Variants in TRIM24 observed in about 807,000 individuals in gnomAD.
The protein encoded by TRIM24 is tripartite motif containing 24, also known as transcription intermediary factor 1-alpha.
In TRIM24, 29 loss-of-function variants were observed where a neutral mutation model predicts 123.9. The observed-to-expected ratio is 0.23, with a 90% confidence interval of 0.17 to 0.32. The LOEUF (loss-of-function observed/expected upper bound fraction) is 0.32, where lower values mean the gene tolerates loss of function less well. TRIM24 is among the 10% of genes least tolerant of loss of function. The pLI, the probability that TRIM24 is intolerant of heterozygous loss-of-function variation, is 1.00. For synonymous variants in TRIM24, 456 were observed against 461.1 expected, an observed-to-expected ratio of 0.99 and a Z score of 0.14; for missense variants, 932 against 1,295.3, an observed-to-expected ratio of 0.72 and a Z score of 4.31.
chr7:138,567,795 C>G, intron 10 of TRIM24, 141 bp downstream of exon 10: 1 of 880,862 alleles, frequency 1.1e-6, no homozygotes, highest in Non-Finnish European at 1.6e-6. Context: ...ATGTGAATTG[C>G]AAAGTTTGAT....
chr7:138,574,516 A>T (rs1797718010), intron 12 of TRIM24, among the ~76,000 whole-genome samples: 1 of 152,236 alleles, frequency 6.6e-6, no homozygotes, highest in Non-Finnish European at 1.5e-5. Flanking sequence ...GGACATGATA[A>T]GTAGATAATT....
At chr7:138,476,728 A>G (rs1795410203) in intron 1 of TRIM24, among the ~76,000 whole-genome samples, 1 of 152,210 alleles carries the variant, frequency 6.6e-6, no homozygotes, top group South Asian at 2.1e-4. Context: ...TAAAACTGGA[A>G]GGGAATTTGG....
chr7:138,577,415 T>TA lies in TRIM24; in HGVS notation c.2088-4dup, dbSNP rs1423271916. ...ATTGCTTTTTCTTCTCTCTCATACT[T>TA]ACAGCTCTGGCTCTTCCAGCAAACC... On this transcript the variant is annotated splice_polypyrimidine_tract_variant and splice_region_variant and intron_variant, in intron 13 of 18. Transcript: ENST00000343526. 6 of 1,549,796 alleles carry TA rather than the reference T, an allele frequency of 3.9e-6. No individual in the cohort carries two copies. Among genetic ancestry groups the TA allele is most frequent in the Middle Eastern group, 3.4e-4 (2 of 5,822 alleles).
chr7:138,520,260 T>C (rs1223075958), intron 4 of TRIM24, among the ~76,000 whole-genome samples: 2 of 152,212 alleles, frequency 1.3e-5, no homozygotes, highest in African/African-American at 4.8e-5. Flanking sequence ...CCTGAAAGTC[T>C]GCACTATTAT....
chr7:138,578,436 G>A (rs6975799), intron 14 of TRIM24, among the ~76,000 whole-genome samples: 183 of 152,134 alleles, frequency 1.2e-3, no homozygotes, highest in Middle Eastern at 3.4e-3. Flanking sequence ...ATAGATACTG[G>A]CAATAAACAG....
At chr7:138,515,026 C>G (rs1584712317) in intron 2 of TRIM24, among the ~76,000 whole-genome samples, 186 bp from the exon 3 acceptor site, 1 of 152,204 alleles carries the variant, frequency 6.6e-6, no homozygotes, top group Admixed American at 6.5e-5. Context: ...ATATTCTTGT[C>G]TCTTCACAGT....
intron 12 of TRIM24, among the ~76,000 whole-genome samples, chr7:138,573,902 C>T (rs1032441988): frequency 1.3e-5 from 2 of 152,108 alleles, no homozygotes; most frequent in African/African-American, 2.4e-5. Flanking sequence ...TGAGCTCAAG[C>T]GATCTCCCAC....
intron 3 of TRIM24, 39 bp from the exon 4 acceptor site, chr7:138,519,150 T>C: frequency 6.2e-7 from 1 of 1,613,040 alleles, no homozygotes; most frequent in South Asian, 1.1e-5. Context: ...TATTCAATTA[T>C]GTTAATTTTC....
intron 4 of TRIM24, among the ~76,000 whole-genome samples, chr7:138,523,750 C>CAA (rs756103684): frequency 0.31 from 17,496 of 56,588 alleles, 2,321 homozygotes; most frequent in East Asian, 0.5. Context: ...GACTCCGTCT[C>CAA]AAAAAAAAAA....
At chr7:138,583,697 G>T (rs1400238431) in intron 17 of TRIM24, among the ~76,000 whole-genome samples, 153 bp from the exon 18 acceptor site, 1 of 152,188 alleles carries the variant, frequency 6.6e-6, no homozygotes, top group Non-Finnish European at 1.5e-5. Context: ...GTGGGCACTT[G>T]TAAACACTGT....
In TRIM24 at chr7:138,504,337, C is replaced by G. The variant is rs754301072; in HGVS notation, c.412C>G (p.His138Asp). 1 of 1,601,058 alleles carries G rather than the reference C, an allele frequency of 6.2e-7. No homozygotes were observed. The highest frequency in any genetic ancestry group is 8.5e-7 in the Non-Finnish European group (1 of 1,174,752). Residue 138 changes from histidine (H) to aspartate (D), a missense_variant, in exon 2 of 19, where the codon CAC (histidine) becomes GAC (aspartate). By Grantham distance (81) the His-to-Asp change is moderately conservative. Around this residue, in one of 7 missense-constraint regions of TRIM24, gnomAD observed 74 missense variants for 163.6 expected, o/e 0.45. Transcript: ENST00000343526. ...PVCSQECAER[H>D]IIDNFFVKDT... ...TTGCAGCCAAGAATGTGCAGAGAGA[C>G]ACATCATAGATAACTTTTTTGTGAA... is the stretch of plus-strand genomic sequence containing the variant.
intron 1 of TRIM24, chr7:138,461,152 C>T (rs1176796131): frequency 1.0e-5 from 7 of 701,234 alleles, no homozygotes; most frequent in Non-Finnish European, 1.8e-5. Flanking sequence ...GCCGCCGCCG[C>T]TGCTCCGCAT....
rs935025334 is a variant in TRIM24, at chr7:138,581,913, G to A, written c.2793+142G>A. 20 of 595,316 alleles carry A rather than the reference G, an allele frequency of 3.4e-5. No individual in the cohort carries two copies. In the African/African-American group the frequency reaches 3.5e-4, roughly 11 times the overall value. The allele number at this position is 595,316 out of a possible 1,614,324, so 36.9% of individuals were successfully genotyped here. On this transcript the variant is annotated intron_variant, in intron 17 of 18. Transcript: ENST00000343526. ...CTTAATAATACATACTGAATGCTTTGATCCTATGTAGGTACATTTTAGTAA... is the reference window on the plus strand; with the variant it reads ...CTTAATAATACATACTGAATGCTTTAATCCTATGTAGGTACATTTTAGTAA...
chr7:138,576,763 GAT>G (rs989790914), intron 13 of TRIM24, among the ~76,000 whole-genome samples: 28 of 152,172 alleles, frequency 1.8e-4, no homozygotes, highest in Admixed American at 6.5e-4. Context: ...TTAGAGAAAA[GAT>G]AAAATTTTAT....
At chr7:138,560,632 A>T (rs568148757) in intron 9 of TRIM24, among the ~76,000 whole-genome samples, 1 of 152,322 alleles carries the variant, frequency 6.6e-6, no homozygotes, top group Admixed American at 6.5e-5. Flanking sequence ...AATGGTGTCC[A>T]AGTAGTCTTT....
chr7:138,540,724 T>C (rs1201040050), intron 7 of TRIM24, among the ~76,000 whole-genome samples: 5 of 152,204 alleles, frequency 3.3e-5, no homozygotes, highest in African/African-American at 9.6e-5. Context: ...ATCACTAAGG[T>C]TCTTAATGGC....
At chr7:138,486,869 G>T (rs935261435) in intron 1 of TRIM24, among the ~76,000 whole-genome samples, 1 of 152,094 alleles carries the variant, frequency 6.6e-6, no homozygotes. Flanking sequence ...TTCCAGTTCT[G>T]TGAAGACAGT....
At chr7:138,518,174 T>C (rs777174348) in intron 3 of TRIM24, among the ~76,000 whole-genome samples, 1 of 152,184 alleles carries the variant, frequency 6.6e-6, no homozygotes, top group African/African-American at 2.4e-5. Context: ...AAGAATGAGA[T>C]GGATACATAT....
chr7:138,476,935 C>T (rs1490779432), intron 1 of TRIM24, among the ~76,000 whole-genome samples: 1 of 152,046 alleles, frequency 6.6e-6, no homozygotes, highest in Non-Finnish European at 1.5e-5. Context: ...TGGTATATTA[C>T]TGTGCCGATG....
Sources: allele counts gnomAD v4.1 joint callset (sites outside exome capture counted in the v4.1 genomes callset), GRCh38; gene constraint gnomAD v4.1.1; regional missense constraint gnomAD v4.1.1; transcripts MANE v1.5; gene names NCBI Gene and HGNC (gene_info 2026-07-23, HGNC 2026-07-21).